MEAK7: variants seen among roughly 807,000 people sequenced by gnomAD.
MEAK7 encodes the protein MTOR associated protein MEAK7, also known as MTOR-associated protein MEAK7.
In MEAK7, 68 loss-of-function variants were observed where a neutral mutation model predicts 40.5. The ratio of observed to expected loss-of-function variants is 1.68; its 90% CI spans 1.38 to 2.06. The LOEUF (loss-of-function observed/expected upper bound fraction) is 2.06, where lower values mean the gene tolerates loss of function less well. MEAK7 is among the 30% of genes most tolerant of loss of function. The pLI is 0.00. For missense variants in MEAK7, 918 were observed against 580.5 expected, an observed-to-expected ratio of 1.58 and a Z score of -5.98; for synonymous variants, 338 against 231.9, an observed-to-expected ratio of 1.46 and a Z score of -4.16.
intron 6 of MEAK7, among the ~76,000 whole-genome samples, chr16:84,482,140 T>C (rs904967842): frequency 2.0e-5 from 3 of 151,994 alleles, no homozygotes; most frequent in African/African-American, 4.8e-5. Flanking sequence ...GTCACCAAGC[T>C]GAAGCGAGGG....
At chr16:84,498,783 A>T (rs1333249405) in intron 1 of MEAK7, among the ~76,000 whole-genome samples, 1 of 152,226 alleles carries the variant, frequency 6.6e-6, no homozygotes, top group Admixed American at 6.5e-5. Context: ...AACCAGAGTT[A>T]GAAAATATAA....
chr16:84,494,187 C>A (rs1913854624), intron 3 of MEAK7, among the ~76,000 whole-genome samples: 1 of 152,136 alleles, frequency 6.6e-6, no homozygotes, highest in Non-Finnish European at 1.5e-5. Flanking sequence ...AATAATCAAG[C>A]TAAGTATAAT....
In MEAK7 at chr16:84,477,278, G is replaced by A. The variant is rs1019688380; in HGVS notation, c.*2635C>T. The A allele has an allele frequency of 5.9e-5, 9 of 151,994 alleles. No homozygotes were observed. The highest frequency in any genetic ancestry group is 1.9e-4 in the African/African-American group (8 of 41,218). 9.4% of individuals were successfully genotyped at this position (151,994 alleles called of 1,614,324 possible). ...ACGATCTCGGCTCACCACAACCTCTGCCTCCCTGGTTCAAGCAATTCTACT... is the reference window on the plus strand; with the variant it reads ...ACGATCTCGGCTCACCACAACCTCTACCTCCCTGGTTCAAGCAATTCTACT... On this transcript the variant is annotated 3_prime_UTR_variant, in exon 8 of 8. Coordinates refer to ENST00000343629, the MANE Select transcript of MEAK7 (RefSeq NM_020947.4).
intron 1 of MEAK7, among the ~76,000 whole-genome samples, 184 bp downstream of exon 1, chr16:84,504,417 C>T (rs1401107617): frequency 6.6e-6 from 1 of 152,058 alleles, no homozygotes; most frequent in African/African-American, 2.4e-5. Context: ...CCCCGCTGTC[C>T]CCACCCCTCA....
In MEAK7 at chr16:84,486,849, T is replaced by C; in HGVS notation, c.740A>G (p.Asp247Gly). 3 of 1,614,128 alleles carry C rather than the reference T, an allele frequency of 1.9e-6. No individual in the cohort carries two copies. The highest frequency in any genetic ancestry group is 8.5e-7 in the Non-Finnish European group (1 of 1,180,036). ...DQGRGFESIL[D>G]VLSVMYINAQ... ...GTTGATGTACATGACAGAGAGGACA[T>C]CCAGGATGCTCTCAAAACCCCTGCC... The change falls in exon 5 of 8, where the codon GAT becomes GGT. Residue 247 changes from aspartate (D) to glycine (G), a missense_variant. Coordinates refer to ENST00000343629, the MANE Select transcript of MEAK7 (RefSeq NM_020947.4).
rs528435400 is a variant in MEAK7 at position 84,481,946 on chromosome 16, A to G, written c.1077+646T>C. Among the ~76,000 whole-genome samples the G allele has an allele frequency of 7.2e-5, 11 of 152,148 alleles. No individual in the cohort carries two copies. In the South Asian group the frequency reaches 2.1e-3, roughly 29 times the overall value. Reference sequence around the variant, plus strand: ...ACTCCATCTCAAAAAGAAAAAAAAGAAAAGAAAAGAGCTTTCTGTCAAGCA... The same window carrying G: ...ACTCCATCTCAAAAAGAAAAAAAAGGAAAGAAAAGAGCTTTCTGTCAAGCA... On this transcript the variant is annotated intron_variant, in intron 6 of 7. Transcript: ENST00000343629.
chr16:84,486,287 A>C, intron 5 of MEAK7: 1 of 307,596 alleles, frequency 3.3e-6, no homozygotes, highest in Non-Finnish European at 5.3e-6. Flanking sequence ...AGGGGCAGGA[A>C]GGCCCAGGGA....
At chr16:84,488,180 A>C (rs941073327) in intron 4 of MEAK7, 1 of 152,182 alleles carries the variant, frequency 6.6e-6, no homozygotes, top group Admixed American at 6.5e-5. Flanking sequence ...TTCACTGAAA[A>C]CTTTAATTTT....
At chr16:84,495,357 C>A (rs1156644273) in intron 3 of MEAK7, among the ~76,000 whole-genome samples, 2 of 152,210 alleles carry the variant, frequency 1.3e-5, no homozygotes, top group Non-Finnish European at 2.9e-5. Context: ...GAGTGCAAGA[C>A]AAACACACAT....
At position 84,504,629 on chromosome 16, in the gene MEAK7, C is replaced by G. The variant is rs1288767930; in HGVS notation, c.-54G>C. 5 of 985,656 alleles carry G rather than the reference C, an allele frequency of 5.1e-6. No individual in the cohort carries two copies. The highest frequency in any genetic ancestry group is 6.0e-6 in the Non-Finnish European group (5 of 830,060). 61.1% of individuals were successfully genotyped at this position (985,656 alleles called of 1,614,324 possible). Reference sequence around the variant, plus strand: ...GCCGGGCTTCCTGGTGCTGTCCGGTCCGGTCCAGCAGCCCACGGGCTCCTC... The same window carrying G: ...GCCGGGCTTCCTGGTGCTGTCCGGTGCGGTCCAGCAGCCCACGGGCTCCTC... On this transcript the variant is annotated 5_prime_UTR_variant, in exon 1 of 8. Transcript: ENST00000343629.
intron 3 of MEAK7, among the ~76,000 whole-genome samples, chr16:84,489,925 T>C (rs1330455922): frequency 6.6e-6 from 1 of 152,196 alleles, no homozygotes; most frequent in African/African-American, 2.4e-5. Flanking sequence ...ATTGGAGGTT[T>C]TCCTGCTTCT....
chr16:84,496,777 A>G (rs1425525069), intron 2 of MEAK7, among the ~76,000 whole-genome samples: 1 of 151,984 alleles, frequency 6.6e-6, no homozygotes, highest in Admixed American at 6.5e-5. Flanking sequence ...ATCTGCTCCC[A>G]TCCTGCCTCC....
chr16:84,496,814 C>T (rs1271848419), intron 2 of MEAK7, among the ~76,000 whole-genome samples: 2 of 152,126 alleles, frequency 1.3e-5, no homozygotes, highest in South Asian at 2.1e-4. Context: ...TCATTCCTGC[C>T]TCTGGCCACC....
chr16:84,484,902 T>A (rs141163295), intron 5 of MEAK7, among the ~76,000 whole-genome samples: 4 of 152,324 alleles, frequency 2.6e-5, no homozygotes, highest in African/African-American at 9.6e-5. Context: ...TTTTCCCACA[T>A]GCTTCAGCAA....
intron 3 of MEAK7, among the ~76,000 whole-genome samples, chr16:84,492,817 G>C (rs979776455): frequency 1.3e-5 from 2 of 152,034 alleles, no homozygotes; most frequent in Non-Finnish European, 2.9e-5. Context: ...CTTGACCTCA[G>C]ATAATCCACC....
intron 3 of MEAK7, 27 bp downstream of exon 3, chr16:84,495,656 C>A (rs377453825): frequency 1.2e-6 from 2 of 1,611,028 alleles, no homozygotes; most frequent in African/African-American, 2.7e-5. Flanking sequence ...GCTGAGGAGG[C>A]TGCAAAGGAC....
chr16:84,490,654 A>ATGTGTGTGTGTGTGTGTGTGTGTGTG lies in MEAK7; in HGVS notation c.385-1258_385-1233dup, dbSNP rs35489449. ...TCAGCTTAATTAAAAGCTAATCAAG[A>ATGTGTGTGTGTGTGTGTGTGTGTGTG]TGTGTGTGTGTGTGTGTGTGTGTGT... On this transcript the variant is annotated intron_variant, in intron 3 of 7. Transcript: ENST00000343629. 1.4e-3 allele frequency among the ~76,000 whole-genome samples: 195 copies of ATGTGTGTGTGTGTGTGTGTGTGTGTG among 137,594 alleles called. 1 individual carries two copies. The highest frequency in any genetic ancestry group is 5.0e-3 in the African/African-American group (179 of 36,114). 90.3% of individuals were successfully genotyped at this position (137,594 alleles called of 152,430 possible). A position where few individuals can be genotyped will look rare whatever the true frequency, so the allele number is the denominator to read the frequency against.
chr16:84,482,581 C>T lies in MEAK7; in HGVS notation c.1077+11G>A. On this transcript the variant is annotated intron_variant, in intron 6 of 7. Coordinates refer to ENST00000343629, the MANE Select transcript of MEAK7 (RefSeq NM_020947.4). ...ACCAAGGCAAGACCACCACGCTCTG[C>T]CCGGGCTCACCAGTCCGTTCGGGAT... is the stretch of plus-strand genomic sequence containing the variant. 6.2e-7 allele frequency: 1 copy of T among 1,614,072 alleles called. No individual in the cohort carries two copies. The highest frequency in any genetic ancestry group is 8.5e-7 in the Non-Finnish European group (1 of 1,179,938).
rs113660271 is a variant in MEAK7, at chr16:84,499,637, C to G, written c.-25-1526G>C. Among the ~76,000 whole-genome samples, 1,474 of 152,270 alleles carry G rather than the reference C, an allele frequency of 9.7e-3. 30 individuals are homozygous for G. The highest frequency in any genetic ancestry group is 0.034 in the African/African-American group (1,414 of 41,540). On this transcript the variant is annotated intron_variant, in intron 1 of 7. Coordinates refer to ENST00000343629, the MANE Select transcript of MEAK7 (RefSeq NM_020947.4). ...CATGTTCATCACCCTCGGAGAAAACCCTGTACACGAGCAATCTCCTCTCAT... is the reference window on the plus strand; with the variant it reads ...CATGTTCATCACCCTCGGAGAAAACGCTGTACACGAGCAATCTCCTCTCAT...
Sources: gnomAD v4.1 joint callset for allele counts (sites outside exome capture counted in the v4.1 genomes callset) on GRCh38, gnomAD v4.1.1 for gene constraint, MANE v1.5 for transcripts, NCBI Gene and HGNC (gene_info 2026-07-23, HGNC 2026-07-21) for gene names.